LRRC42: variants seen among roughly 807,000 people sequenced by gnomAD.
The protein encoded by LRRC42 is leucine-rich repeat-containing protein 42.
Under a neutral mutation model 44.3 loss-of-function variants are expected in LRRC42, and 43 were observed. The observed-to-expected ratio is 0.97, with a 90% CI of 0.76 to 1.25. The LOEUF is 1.25. Ranked by LOEUF, LRRC42 falls within the 50% of genes most tolerant of loss-of-function variation. LRRC42 has a pLI of 0.00. For synonymous variants in LRRC42, 207 were observed against 195.2 expected, an observed-to-expected ratio of 1.06 and a Z score of -0.50; for missense variants, 540 against 509.1, an observed-to-expected ratio of 1.06 and a Z score of -0.58.
At chr1:53,962,611 T>C (rs757006401) in intron 7 of LRRC42, among the ~76,000 whole-genome samples, 1 of 152,238 alleles carries the variant, frequency 6.6e-6, no homozygotes, top group African/African-American at 2.4e-5. Flanking sequence ...TCTCATGCTC[T>C]GGTCACTAGG....
intron 4 of LRRC42, among the ~76,000 whole-genome samples, 195 bp downstream of exon 4, chr1:53,958,475 TGACTC>T (rs1018150024): frequency 3.3e-5 from 5 of 152,278 alleles, no homozygotes; most frequent in African/African-American, 1.2e-4. Flanking sequence ...GTCAGTCAGT[TGACTC>T]AAGTCAGTTA....
At chr1:53,955,695 C>T (rs1272418327) in intron 3 of LRRC42, among the ~76,000 whole-genome samples, 1 of 147,676 alleles carries the variant, frequency 6.8e-6, no homozygotes, top group African/African-American at 2.5e-5. Flanking sequence ...GTGGCTCGAT[C>T]TCAGCTCACT....
At chr1:53,947,877 T>G (rs1654564339) in intron 2 of LRRC42, 56 bp downstream of exon 2, 1 of 152,238 alleles carries the variant, frequency 6.6e-6, no homozygotes, top group South Asian at 2.1e-4. Context: ...TGTCATATTT[T>G]TAGTCTTGAG....
intron 1 of LRRC42, among the ~76,000 whole-genome samples, chr1:53,946,849 G>A (rs886571851): frequency 1.3e-5 from 2 of 151,404 alleles, no homozygotes; most frequent in Admixed American, 6.6e-5. Flanking sequence ...GCGGGAAGAA[G>A]GAAGGGGGAA....
rs114602065 is a variant in LRRC42 at position 53,949,689 on chromosome 1, A to T, written c.-15+1868A>T. Among the ~76,000 whole-genome samples the T allele has an allele frequency of 4.9e-3, 750 of 152,332 alleles. 4 individuals carry two copies. Among genetic ancestry groups the T allele is most frequent in the African/African-American group, 0.017 (710 of 41,578 alleles). On this transcript the variant is annotated intron_variant, in intron 2 of 8. Transcript: ENST00000371370. ...CTGTAAATGCTGGCAAGAGAAAAGTATGGGTTATAAGAGCTGGCACTGTGA... is the reference window on the plus strand; with the variant it reads ...CTGTAAATGCTGGCAAGAGAAAAGTTTGGGTTATAAGAGCTGGCACTGTGA...
At chr1:53,953,976 A>G (rs1569828820) in intron 3 of LRRC42, among the ~76,000 whole-genome samples, 1 of 150,110 alleles carries the variant, frequency 6.7e-6, no homozygotes, top group African/African-American at 2.5e-5. Context: ...CAGGTGATCC[A>G]CCGGCCTCAG....
chr1:53,949,628 C>G (rs1005933014), intron 2 of LRRC42, among the ~76,000 whole-genome samples: 2 of 152,204 alleles, frequency 1.3e-5, no homozygotes, highest in East Asian at 3.8e-4. Flanking sequence ...GGAGGAACAG[C>G]TCAGAATAAA....
At chr1:53,962,238 A>G in intron 6 of LRRC42, 58 bp from the exon 7 acceptor site, 2 of 1,485,008 alleles carry the variant, frequency 1.3e-6, no homozygotes, top group Admixed American at 3.4e-5. Flanking sequence ...TTACTACTGA[A>G]AACAAGTAAG....
At chr1:53,952,541 G>T (rs1026610245) in intron 3 of LRRC42, 69 bp downstream of exon 3, 11 of 1,325,562 alleles carry the variant, frequency 8.3e-6, no homozygotes, top group Non-Finnish European at 1.1e-5. Context: ...CTGGGGCTTA[G>T]TGGGCTCAGG....
Position 53,952,248 on chromosome 1 carries a change from G to A in LRRC42, c.249G>A (p.Arg83=), listed in dbSNP as rs1447406855. Residue 83 remains arginine, a synonymous_variant, in exon 3 of 9, where the codon CGG becomes CGA. Transcript: ENST00000371370. The stretch of plus-strand genomic sequence containing the variant: ...CATACACCCGAGAGGGGAATCTTCG[G>A]TACTCCGCCAAATCCCTCTTCAGCC... ...IFTYTREGNL[R]YSAKSLFSLV... The A allele has an allele frequency of 3.7e-6, 6 of 1,614,102 alleles. No individual in the cohort carries two copies. Among genetic ancestry groups the A allele is most frequent in the Non-Finnish European group, 5.1e-6 (6 of 1,180,038 alleles).
chr1:53,946,766 G>A (rs1654486124), intron 1 of LRRC42, among the ~76,000 whole-genome samples: 1 of 151,712 alleles, frequency 6.6e-6, no homozygotes, highest in Non-Finnish European at 1.5e-5. Context: ...GAGAATTGGG[G>A]TTCGGGGCCT....
Position 53,958,281 on chromosome 1 carries a change from G to C in LRRC42, c.605+1G>C. 1 of 1,613,006 alleles carries C rather than the reference G, an allele frequency of 6.2e-7. No individual in the cohort carries two copies. The highest frequency in any genetic ancestry group is 8.5e-7 in the Non-Finnish European group (1 of 1,179,242). ...ATCTCACCAATGAAGCCCTGTCTAG[G>C]TACTGACCTGTCACCACTTGCAGAT... On this transcript the variant is annotated splice_donor_variant, in intron 4 of 8. Transcript: ENST00000371370. LOFTEE classifies it high-confidence loss of function.
At chr1:53,951,380 A>G (rs1157092883) in intron 2 of LRRC42, among the ~76,000 whole-genome samples, 1 of 152,220 alleles carries the variant, frequency 6.6e-6, no homozygotes, top group Admixed American at 6.5e-5. Flanking sequence ...CATCTGTGAC[A>G]ACTTCCTTAG....
At chr1:53,947,458 C>G (rs754683864) in intron 1 of LRRC42, among the ~76,000 whole-genome samples, 2 of 152,200 alleles carry the variant, frequency 1.3e-5, no homozygotes, top group Middle Eastern at 3.4e-3. Context: ...AGAATGGGGA[C>G]ACACAGAACA....
At position 53,952,032 on chromosome 1, in the gene LRRC42, G is replaced by A. The variant is rs765414122; in HGVS notation, c.33G>A (p.Leu11=). Residue 11 remains leucine, a synonymous_variant, in exon 3 of 9, where the codon CTG becomes CTA. Coordinates refer to ENST00000371370, the MANE Select transcript of LRRC42 (RefSeq NM_001256409.2). Reference sequence around the variant, plus strand: ...ACTACCTCAGCTCAGAAAACCACCTGGACCCAGGGCCCATCTACATGCGAG... The same window carrying A: ...ACTACCTCAGCTCAGAAAACCACCTAGACCCAGGGCCCATCTACATGCGAG... MSYYLSSENH[L]DPGPIYMREN... 1 of 1,614,024 alleles carries A rather than the reference G, an allele frequency of 6.2e-7. No individual in the cohort carries two copies. The highest frequency in any genetic ancestry group is 1.1e-5 in the South Asian group (1 of 91,060).
rs1170621581 is a variant in LRRC42 at position 53,952,109 on chromosome 1, G to A, written c.110G>A (p.Ser37Asn). The stretch of plus-strand genomic sequence containing the variant: ...CTGGCTCTGGATGGTGTCAGGAGTA[G>A]CCTGCAGAAGCCAAGGCCTTTCAGA... ...VNLALDGVRSSLQKPRPFRLF... is the reference protein window; with the variant it reads ...VNLALDGVRSNLQKPRPFRLF... Residue 37 changes from serine (S) to asparagine (N), a missense_variant, in exon 3 of 9, where the codon AGC (serine) becomes AAC (asparagine). Transcript: ENST00000371370. The A allele has an allele frequency of 5.6e-6, 9 of 1,614,208 alleles. No individual in the cohort carries two copies. Among genetic ancestry groups the A allele is most frequent in the African/African-American group, 2.7e-5 (2 of 75,048 alleles).
rs764387239 is a variant in LRRC42, at chr1:53,967,980, A to G, written c.*41A>G. The G allele has an allele frequency of 1.3e-6, 2 of 1,585,244 alleles. No individual in the cohort carries two copies. Among genetic ancestry groups the G allele is most frequent in the African/African-American group, 1.4e-5 (1 of 73,914 alleles). On this transcript the variant is annotated 3_prime_UTR_variant, in exon 9 of 9. Coordinates refer to ENST00000371370, the MANE Select transcript of LRRC42 (RefSeq NM_001256409.2). ...TGACCTTTCTCTGGCCCCCAGCTCT[A>G]GTGTTTGAGTAAAGGAGACTGAGGA...
At chr1:53,947,753 T>G (rs950280086) in intron 1 of LRRC42, 35 bp from the exon 2 acceptor site, 1 of 152,300 alleles carries the variant, frequency 6.6e-6, no homozygotes, top group Admixed American at 6.5e-5. Flanking sequence ...TGTTTGCTTT[T>G]GTTTTTTAAT....
At chr1:53,961,931 T>G in intron 5 of LRRC42, 103 bp from the exon 6 acceptor site, 1 of 796,572 alleles carries the variant, frequency 1.3e-6, no homozygotes, top group Non-Finnish European at 2.1e-6. Flanking sequence ...CTCAAATGTT[T>G]TATAGTTTAT....
Sources: gnomAD v4.1 joint callset for allele counts (sites outside exome capture counted in the v4.1 genomes callset) on GRCh38, gnomAD v4.1.1 for gene constraint, MANE v1.5 for transcripts, NCBI Gene and HGNC (gene_info 2026-07-23, HGNC 2026-07-21) for gene names.